BOD1: variants seen among roughly 807,000 people sequenced by gnomAD.
BOD1 encodes the protein biorientation of chromosomes in cell division protein 1.
In BOD1, 11 loss-of-function variants were observed where a neutral mutation model predicts 15.7. That is an observed-to-expected ratio of 0.70 (90% CI 0.44 to 1.16). The LOEUF (loss-of-function observed/expected upper bound fraction) is 1.16, where lower values mean the gene tolerates loss of function less well. Ranked by LOEUF, BOD1 falls within the 50% of genes most tolerant of loss-of-function variation. The pLI is 0.00. For synonymous variants in BOD1, 105 were observed against 103.5 expected (o/e 1.01, Z -0.09); for missense variants, 182 against 244.5 (o/e 0.74, Z 1.70).
rs540284507 is a variant in BOD1, at chr5:173,613,262, T to G, written c.238-7A>C. 4 of 1,605,934 alleles carry G rather than the reference T, an allele frequency of 2.5e-6. No individual in the cohort carries two copies. Among genetic ancestry groups the G allele is most frequent in the African/African-American group, 2.7e-5 (2 of 73,750 alleles). ...TCAGGTTTTGGTAAGCTGGCTAAAA[T>G]GTTAAAAAGAGGAGGCAAGGTCAGA... On this transcript the variant is annotated splice_region_variant and splice_polypyrimidine_tract_variant and intron_variant, in intron 1 of 3. Coordinates refer to ENST00000311086, the MANE Select transcript of BOD1 (RefSeq NM_138369.3).
chr5:173,610,752 G>GT (rs375452675), intron 2 of BOD1, among the ~76,000 whole-genome samples: 260 of 152,302 alleles, frequency 1.7e-3, no homozygotes, highest in African/African-American at 5.9e-3. Flanking sequence ...AAATGCCTGT[G>GT]TCCCCCAGAC....
chr5:173,610,759 A>G (rs1295998520), intron 2 of BOD1, among the ~76,000 whole-genome samples: 2 of 152,224 alleles, frequency 1.3e-5, no homozygotes, highest in Non-Finnish European at 2.9e-5. Flanking sequence ...TGTGTCCCCC[A>G]GACTTCCTAT....
At chr5:173,609,156 T>G in intron 3 of BOD1, 82 bp downstream of exon 3, 1 of 1,362,658 alleles carries the variant, frequency 7.3e-7, no homozygotes, top group Non-Finnish European at 9.8e-7. Context: ...GATCCTCAAT[T>G]ACGGCCTACC....
chr5:173,616,347 A>C lies in BOD1; in HGVS notation c.90T>G (p.Thr30=). The C allele has an allele frequency of 6.5e-7, 1 of 1,527,568 alleles. No individual in the cohort carries two copies. The highest frequency in any genetic ancestry group is 8.7e-7 in the Non-Finnish European group (1 of 1,143,366). 94.6% of individuals were successfully genotyped at this position (1,527,568 alleles called of 1,614,324 possible). ...QASAGAATGA[T]GASGGGGPIN... is the part of the protein sequence containing the mutation. Reference sequence around the variant, plus strand: ...TGGGGCCACCGCCCCCGCTGGCCCCAGTAGCGCCAGTCGCTGCCCCGGCAG... The same window carrying C: ...TGGGGCCACCGCCCCCGCTGGCCCCCGTAGCGCCAGTCGCTGCCCCGGCAG... Residue 30 remains threonine (T), a synonymous_variant, in exon 1 of 4, where the codon ACT becomes ACG. Transcript: ENST00000311086.
intron 1 of BOD1, among the ~76,000 whole-genome samples, chr5:173,615,268 G>C (rs956583676): frequency 6.6e-6 from 1 of 152,176 alleles, no homozygotes; most frequent in African/African-American, 2.4e-5. Context: ...TTGAGGATGG[G>C]GTAGTGACTT....
At chr5:173,610,038 C>G (rs900114553) in intron 2 of BOD1, among the ~76,000 whole-genome samples, 4 of 152,210 alleles carry the variant, frequency 2.6e-5, no homozygotes, top group Non-Finnish European at 4.4e-5. Context: ...TTCCAAGCTC[C>G]TAGAGGGCTA....
In BOD1 at chr5:173,608,167, A is replaced by G. The variant is rs1755252216; in HGVS notation, c.*127T>C. 3 of 1,173,344 alleles carry G rather than the reference A, an allele frequency of 2.6e-6. No homozygotes were observed. Among genetic ancestry groups the G allele is most frequent in the African/African-American group, 1.5e-5 (1 of 68,674 alleles). The allele number at this position is 1,173,344 out of a possible 1,614,324, so 72.7% of individuals were successfully genotyped here. ...TCCCCTTTCAATCTGGTCACTGCCCATGGTCAAGGTTGAAATCTTGAGATC... is the reference window on the plus strand; with the variant it reads ...TCCCCTTTCAATCTGGTCACTGCCCGTGGTCAAGGTTGAAATCTTGAGATC... On this transcript the variant is annotated 3_prime_UTR_variant, in exon 4 of 4. Transcript: ENST00000311086.
rs188819004 is a variant in BOD1 at position 173,608,614 on chromosome 5, G to A, written c.*2-322C>T. Among the ~76,000 whole-genome samples, 37 of 152,290 alleles carry A rather than the reference G, an allele frequency of 2.4e-4. 1 individual carries two copies. The East Asian group carries it at 5.8e-3, about 24-fold the overall frequency. ...TATCCCAGCAGTCACCAACAACGGCGAAAAGTCCACTGCTAACTTCATCGC... is the reference window on the plus strand; with the variant it reads ...TATCCCAGCAGTCACCAACAACGGCAAAAAGTCCACTGCTAACTTCATCGC... On this transcript the variant is annotated intron_variant, in intron 3 of 3. Transcript: ENST00000311086.
intron 1 of BOD1, among the ~76,000 whole-genome samples, chr5:173,615,600 G>A (rs755042693): frequency 6.6e-6 from 1 of 152,232 alleles, no homozygotes; most frequent in Non-Finnish European, 1.5e-5. Context: ...AGTAGGTAAA[G>A]TGAAATAGCG....
At position 173,613,240 on chromosome 5, in the gene BOD1, G is replaced by A. The variant is rs1755403085; in HGVS notation, c.253C>T (p.Leu85=). Residue 85 remains leucine (L), a synonymous_variant, in exon 2 of 4, where the codon CTG becomes TTG. Transcript: ENST00000311086. Reference sequence around the variant, plus strand: ...ACAAAATTATCCACTTTCTGCCTCAGGTTTTGGTAAGCTGGCTAAAATGTT... The same window carrying A: ...ACAAAATTATCCACTTTCTGCCTCAAGTTTTGGTAAGCTGGCTAAAATGTT... ...DVDTKPAYQN[L]RQKVDNFVST... 4 of 1,559,478 alleles carry A rather than the reference G, an allele frequency of 2.6e-6. No individual in the cohort carries two copies. The Admixed American group carries it at 7.0e-5, about 27-fold the overall frequency.
chr5:173,615,170 G>A (rs941142068), intron 1 of BOD1, among the ~76,000 whole-genome samples: 7 of 152,176 alleles, frequency 4.6e-5, no homozygotes, highest in Non-Finnish European at 8.8e-5. Flanking sequence ...TCTTGGAGAA[G>A]GAACAGTGTA....
intron 1 of BOD1, among the ~76,000 whole-genome samples, chr5:173,615,589 G>A (rs967916227): frequency 1.3e-5 from 2 of 152,198 alleles, no homozygotes; most frequent in Non-Finnish European, 2.9e-5. Flanking sequence ...CCACCCTGAC[G>A]AGTAGGTAAA....
At chr5:173,609,170 T>C (rs1755279884) in intron 3 of BOD1, 68 bp downstream of exon 3, 13 of 1,492,742 alleles carry the variant, frequency 8.7e-6, no homozygotes, top group Non-Finnish European at 1.2e-5. Flanking sequence ...GCCTACCCCA[T>C]TCCTATCCAT....
rs1755244403 is a variant in BOD1 at position 173,607,888 on chromosome 5, T to C, written c.*406A>G. 5.0e-6 allele frequency: 1 copy of C among 201,438 alleles called. No homozygotes were observed. The highest frequency in any genetic ancestry group is 5.4e-5 in the Admixed American group (1 of 18,364). The allele number at this position is 201,438 out of a possible 1,614,324, so 12.5% of individuals were successfully genotyped here. A position where few individuals can be genotyped will look rare whatever the true frequency, so the allele number is the denominator to read the frequency against. ...GACTACTCCCAGCTAATCTTTACTG[T>C]CATTTTTCTTTGAAATTGTCTTTGG... On this transcript the variant is annotated 3_prime_UTR_variant, in exon 4 of 4. Transcript: ENST00000311086.
rs1561727931 is a variant in BOD1, at chr5:173,616,590, G to GGGGC, written c.-155_-154insGCCC. On this transcript the variant is annotated 5_prime_UTR_variant, in exon 1 of 4. Transcript: ENST00000311086. ...GCGATGGCGGCAGGGGCGGTGGTGGGGGCGGCGGCGGCGAAGGCCCCCTCT... is the reference window on the plus strand; with the variant it reads ...GCGATGGCGGCAGGGGCGGTGGTGGGGGGCGGCGGCGGCGGCGAAGGCCCCCTCT... The GGGGC allele has an allele frequency of 7.4e-7, 1 of 1,356,740 alleles. No individual in the cohort carries two copies. Among genetic ancestry groups the GGGGC allele is most frequent in the African/African-American group, 1.6e-5 (1 of 64,516 alleles). 84.0% of individuals were successfully genotyped at this position (1,356,740 alleles called of 1,614,324 possible).
rs1561726017 is a variant in BOD1, at chr5:173,613,166, G to GTT, written c.325_326dup (p.Asn109LysfsTer8). The GTT allele has an allele frequency of 6.2e-7, 1 of 1,614,114 alleles. No homozygotes were observed. The highest frequency in any genetic ancestry group is 2.2e-5 in the East Asian group (1 of 44,878). ...TCTGCCTCAGACCATTTCGCAACTGGTTTTTGTTCATCGTAGGATTCCATT... is the reference window on the plus strand; with the variant it reads ...TCTGCCTCAGACCATTTCGCAACTGGTTTTTTTGTTCATCGTAGGATTCCATT... On this transcript the variant is annotated frameshift_variant, in exon 2 of 4. Transcript: ENST00000311086. LOFTEE classifies it high-confidence loss of function.
intron 2 of BOD1, 91 bp from the exon 3 acceptor site, chr5:173,609,525 T>A: frequency 2.3e-6 from 3 of 1,297,120 alleles, no homozygotes; most frequent in Non-Finnish European, 2.2e-6. Flanking sequence ...CCAATAAATG[T>A]CCACCTTCAA....
intron 2 of BOD1, among the ~76,000 whole-genome samples, chr5:173,611,351 G>A (rs983647673): frequency 6.6e-6 from 1 of 152,236 alleles, no homozygotes; most frequent in Non-Finnish European, 1.5e-5. Context: ...ATGCTCTGAA[G>A]GCCTGCAGTG....
intron 2 of BOD1, among the ~76,000 whole-genome samples, chr5:173,611,757 C>G (rs1374544390): frequency 6.6e-6 from 1 of 152,164 alleles, no homozygotes; most frequent in South Asian, 2.1e-4. Context: ...ACAATTCCTA[C>G]TAAAGAAATG....
Sources: allele counts gnomAD v4.1 joint callset (sites outside exome capture counted in the v4.1 genomes callset), GRCh38; gene constraint gnomAD v4.1.1; transcripts MANE v1.5; gene names NCBI Gene and HGNC (gene_info 2026-07-23, HGNC 2026-07-21).